The following MGAT4D variants were observed in gnomAD, a reference collection of about 807,000 sequenced individuals.
MGAT4D encodes the protein MGAT4 family member D.
In MGAT4D, 34 loss-of-function variants were observed where a neutral mutation model predicts 15.9. The observed-to-expected ratio is 2.14, with a 90% CI of 1.62 to 2.84. The LOEUF is 2.84. MGAT4D is among the 30% of genes most tolerant of loss of function. The pLI, the probability that MGAT4D is intolerant of heterozygous loss-of-function variation, is 0.00. For synonymous variants in MGAT4D, 112 were observed against 48.2 expected, an observed-to-expected ratio of 2.33 and a Z score of -5.49; for missense variants, 327 against 140.2, an observed-to-expected ratio of 2.33 and a Z score of -6.73.
chr4:140,485,921 C>G lies in MGAT4D; in HGVS notation c.95-3436G>C, dbSNP rs1421958103. ...TCTGTTTTTTCTGAAGAAGAGCACACAAGTGGACAGCCTGTGGCAAAAATT... is the reference window on the plus strand; with the variant it reads ...TCTGTTTTTTCTGAAGAAGAGCACAGAAGTGGACAGCCTGTGGCAAAAATT... On this transcript the variant is annotated intron_variant, in intron 1 of 10. Coordinates refer to ENST00000511113, the MANE Select transcript of MGAT4D (RefSeq NM_001277353.2). Among the ~76,000 whole-genome samples, 3 of 142,902 alleles carry G rather than the reference C, an allele frequency of 2.1e-5. No homozygotes were observed. The Admixed American group carries it at 2.2e-4, about 10-fold the overall frequency. 93.7% of individuals were successfully genotyped at this position (142,902 alleles called of 152,430 possible). A position where few individuals can be genotyped will look rare whatever the true frequency, so the allele number is the denominator to read the frequency against.
intron 5 of MGAT4D, 119 bp from the exon 6 acceptor site, chr4:140,465,128 C>T: frequency 1.8e-6 from 1 of 554,820 alleles, no homozygotes; most frequent in Non-Finnish European, 3.2e-6. Context: ...AATTATTTCA[C>T]ATGTTGATAC....
At chr4:140,479,702 A>G (rs921272423) in intron 2 of MGAT4D, 75 bp from the exon 3 acceptor site, 1 of 366,936 alleles carries the variant, frequency 2.7e-6, no homozygotes, top group Non-Finnish European at 4.9e-6. Context: ...TTTTTCAAAG[A>G]GGTGTTAATA....
At chr4:140,444,004 A>G (rs995024964) in intron 10 of MGAT4D, among the ~76,000 whole-genome samples, 2 of 152,158 alleles carry the variant, frequency 1.3e-5, no homozygotes, top group Non-Finnish European at 2.9e-5. Flanking sequence ...ACACAAAACC[A>G]AATAAATCAT....
intron 3 of MGAT4D, among the ~76,000 whole-genome samples, chr4:140,478,877 A>G (rs1252360651): frequency 1.3e-5 from 2 of 152,176 alleles, no homozygotes; most frequent in African/African-American, 4.8e-5. Flanking sequence ...GCAGACATAG[A>G]CAACAAGTAA....
At chr4:140,467,778 A>G (rs17005981) in intron 5 of MGAT4D, among the ~76,000 whole-genome samples, 2,643 of 152,198 alleles carry the variant, frequency 0.017, 30 homozygotes, top group South Asian at 0.045. Flanking sequence ...TTATAGTCAT[A>G]CAAGAGTGGA....
rs1729862072 is a variant in MGAT4D at position 140,442,912 on chromosome 4, A to G, written c.*524T>C. On this transcript the variant is annotated 3_prime_UTR_variant, in exon 11 of 11. Transcript: ENST00000511113. ...TAAATGACTATAAGAATACATATAT[A>G]TCAAGATGTTTGATAATCGGTTCAA... The G allele has an allele frequency of 6.6e-6, 1 of 152,188 alleles. No individual in the cohort carries two copies. Among genetic ancestry groups the G allele is most frequent in the South Asian group, 2.1e-4 (1 of 4,828 alleles). 9.4% of individuals were successfully genotyped at this position (152,188 alleles called of 1,614,324 possible). A position where few individuals can be genotyped will look rare whatever the true frequency, so the allele number is the denominator to read the frequency against.
In MGAT4D at chr4:140,451,132, A is replaced by G. The variant is rs1730447553; in HGVS notation, c.1116+278T>C. 2.0e-5 allele frequency among the ~76,000 whole-genome samples: 3 copies of G among 152,106 alleles called. No individual in the cohort carries two copies. The South Asian group carries it at 6.2e-4, about 31-fold the overall frequency. On this transcript the variant is annotated intron_variant, in intron 10 of 10. Coordinates refer to ENST00000511113, the MANE Select transcript of MGAT4D (RefSeq NM_001277353.2). The stretch of plus-strand genomic sequence containing the variant: ...AGTGAACTTTATTATAATTTTCAAA[A>G]CTCTTTTTTAGTCTTCTTAAAATTG...
chr4:140,462,050 T>G (rs1334515930), intron 6 of MGAT4D, 46 bp from the exon 7 acceptor site: 1 of 682,574 alleles, frequency 1.5e-6, no homozygotes, highest in African/African-American at 1.8e-5. Context: ...ATTATTAATT[T>G]TTATTTATAA....
chr4:140,446,383 T>C (rs1477962886), intron 10 of MGAT4D, among the ~76,000 whole-genome samples: 6 of 152,170 alleles, frequency 3.9e-5, no homozygotes, highest in Non-Finnish European at 5.9e-5. Flanking sequence ...ACTTTCTTCC[T>C]GGTTAAGTCT....
At chr4:140,482,648 C>T (rs186114667) in intron 1 of MGAT4D, among the ~76,000 whole-genome samples, 163 bp from the exon 2 acceptor site, 1 of 151,566 alleles carries the variant, frequency 6.6e-6, no homozygotes, top group East Asian at 1.9e-4. Flanking sequence ...ATAGTATATA[C>T]CACATGTGTA....
intron 1 of MGAT4D, among the ~76,000 whole-genome samples, chr4:140,496,501 A>AGTT (rs1205774039): frequency 6.6e-6 from 1 of 152,212 alleles, no homozygotes; most frequent in Non-Finnish European, 1.5e-5. Context: ...TCATTATAAA[A>AGTT]TCATTAATGG....
intron 10 of MGAT4D, among the ~76,000 whole-genome samples, chr4:140,451,136 T>C (rs550098226): frequency 6.6e-6 from 1 of 152,018 alleles, no homozygotes; most frequent in African/African-American, 2.4e-5. Flanking sequence ...TTCAAAACTC[T>C]TTTTTAGTCT....
intron 5 of MGAT4D, among the ~76,000 whole-genome samples, chr4:140,466,196 C>T (rs55755384): frequency 0.19 from 29,393 of 151,888 alleles, 2,908 homozygotes; most frequent in South Asian, 0.28. Flanking sequence ...TTGGATGTGC[C>T]GTAAAAGAGC....
intron 10 of MGAT4D, among the ~76,000 whole-genome samples, chr4:140,448,100 A>G (rs1028572376): frequency 1.3e-5 from 2 of 152,080 alleles, no homozygotes; most frequent in Admixed American, 1.3e-4. Context: ...GGTTCCCTTT[A>G]CAGGTTACCT....
intron 4 of MGAT4D, 73 bp downstream of exon 4, chr4:140,474,740 T>A (rs1217483371): frequency 1.2e-5 from 6 of 495,806 alleles, no homozygotes; most frequent in Admixed American, 3.9e-5. Flanking sequence ...GTACAATGAT[T>A]ATTACCATTG....
intron 1 of MGAT4D, among the ~76,000 whole-genome samples, chr4:140,484,273 C>G (rs1732943569): frequency 6.6e-6 from 1 of 151,924 alleles, no homozygotes; most frequent in Non-Finnish European, 1.5e-5. Context: ...ATGAATATGG[C>G]CAAGTACATA....
chr4:140,458,893 T>C (rs1421854965), intron 8 of MGAT4D: 1 of 151,970 alleles, frequency 6.6e-6, no homozygotes, highest in East Asian at 1.9e-4. Context: ...GAATCAATAA[T>C]GTCATGCACC....
At position 140,443,394 on chromosome 4, in the gene MGAT4D, A is replaced by T; in HGVS notation, c.*42T>A. ...AAACATGCCATTAGATATCAAGGTTATCTGAGGTTCCAGGTATTACAGAGT... is the reference window on the plus strand; with the variant it reads ...AAACATGCCATTAGATATCAAGGTTTTCTGAGGTTCCAGGTATTACAGAGT... On this transcript the variant is annotated 3_prime_UTR_variant, in exon 11 of 11. Coordinates refer to ENST00000511113, the MANE Select transcript of MGAT4D (RefSeq NM_001277353.2). 1 of 509,072 alleles carries T rather than the reference A, an allele frequency of 2.0e-6. No individual in the cohort carries two copies. The highest frequency in any genetic ancestry group is 3.5e-6 in the Non-Finnish European group (1 of 287,534). The allele number at this position is 509,072 out of a possible 1,614,324, so 31.5% of individuals were successfully genotyped here.
chr4:140,485,881 A>ATAT (rs932872181), intron 1 of MGAT4D, among the ~76,000 whole-genome samples: 4 of 142,012 alleles, frequency 2.8e-5, no homozygotes, highest in African/African-American at 1.0e-4. Context: ...GAAACATTTA[A>ATAT]TATTTTTTCA....
Sources: allele counts gnomAD v4.1 joint callset (sites outside exome capture counted in the v4.1 genomes callset), GRCh38; gene constraint gnomAD v4.1.1; transcripts MANE v1.5; gene names NCBI Gene and HGNC (gene_info 2026-07-23, HGNC 2026-07-21).